The following CLDN16 variants were observed in gnomAD, a reference collection of about 807,000 sequenced individuals.
The protein encoded by CLDN16 is claudin-16.
CLDN16 carries 13 observed loss-of-function variants against 24.6 expected under a neutral mutation model. That is an observed-to-expected ratio of 0.53 (90% CI 0.34 to 0.84). The LOEUF is 0.84. Among genes scored for constraint, CLDN16 ranks in the 40% least tolerant of loss-of-function variants. The pLI, the probability that CLDN16 is intolerant of heterozygous loss-of-function variation, is 0.01. For synonymous variants in CLDN16, 116 were observed against 106.7 expected, an observed-to-expected ratio of 1.09 and a Z score of -0.54; for missense variants, 298 against 292.7, an observed-to-expected ratio of 1.02 and a Z score of -0.13.
At chr3:190,381,778 A>T (rs956276540) in intron 3 of CLDN16, among the ~76,000 whole-genome samples, 1 of 152,090 alleles carries the variant, frequency 6.6e-6, no homozygotes, top group Admixed American at 6.6e-5. Context: ...GAGTGCAGTG[A>T]TAAGGACTCA....
At chr3:190,295,945 G>T in the CLDN16 span, among the ~76,000 whole-genome samples, 1 of 151,942 alleles carries the variant, frequency 6.6e-6, no homozygotes, top group African/African-American at 2.4e-5. Flanking sequence ...TCATAGTTAT[G>T]TTCATTTGAT....
chr3:190,386,045 TA>T (rs1718490151), upstream of CLDN16, among the ~76,000 whole-genome samples: 1 of 152,148 alleles, frequency 6.6e-6, no homozygotes, highest in Admixed American at 6.6e-5. Context: ...TGTTAGCAGG[TA>T]AAGTACACTG....
At chr3:190,361,625 T>C (rs1270584053) in intron 1 of CLDN16, among the ~76,000 whole-genome samples, 1 of 151,942 alleles carries the variant, frequency 6.6e-6, no homozygotes, top group Non-Finnish European at 1.5e-5. Context: ...ATAACATTGA[T>C]ACAAGAGGTA....
intron 4 of CLDN16, among the ~76,000 whole-genome samples, chr3:190,408,916 TACATATGTATACACATATAC>T (rs1428943128): frequency 6.7e-6 from 1 of 149,168 alleles, no homozygotes; most frequent in African/African-American, 2.4e-5. Context: ...GTATACATAG[TACATATGTATACACATATAC>T]ACATATGTAT....
upstream of CLDN16, chr3:190,387,945 C>T (rs1718546495): frequency 1.6e-6 from 1 of 641,440 alleles, no homozygotes; most frequent in Non-Finnish European, 2.8e-6. Flanking sequence ...CAGGTTCCAG[C>T]ATGGGGTGGG....
upstream of CLDN16, chr3:190,321,932 G>T (rs978119963): frequency 7.1e-7 from 1 of 1,405,900 alleles, no homozygotes; most frequent in Non-Finnish European, 1.0e-6. Flanking sequence ...TAAGGGAGCT[G>T]CAGGGGGACT....
At chr3:190,300,165 G>T in the CLDN16 span, among the ~76,000 whole-genome samples, 2 of 152,304 alleles carry the variant, frequency 1.3e-5, no homozygotes, top group South Asian at 4.1e-4. Flanking sequence ...GAGGGGTCGT[G>T]GGGGCGGGCA....
At chr3:190,355,449 T>C (rs187258161) in intron 1 of CLDN16, among the ~76,000 whole-genome samples, 2 of 152,050 alleles carry the variant, frequency 1.3e-5, no homozygotes, top group East Asian at 1.9e-4. Flanking sequence ...TTCTATCGAC[T>C]CTATTTTTCT....
At chr3:190,387,843 A>G (rs541269001), upstream of CLDN16, 4 of 481,236 alleles carry the variant, frequency 8.3e-6, no homozygotes, top group East Asian at 1.2e-4. Flanking sequence ...AGTCCTAACA[A>G]TAAAATAACA....
At chr3:190,332,774 AT>A (rs5855323) in intron 1 of CLDN16, among the ~76,000 whole-genome samples, 9,675 of 147,772 alleles carry the variant, frequency 0.065, 380 homozygotes, top group South Asian at 0.13. Flanking sequence ...GCAGAGCATG[AT>A]TTTTTTTTTT....
At chr3:190,403,440 A>G (rs1012592546) in intron 2 of CLDN16, among the ~76,000 whole-genome samples, 5 of 152,214 alleles carry the variant, frequency 3.3e-5, no homozygotes, top group African/African-American at 4.8e-5. Flanking sequence ...GATTCTCTCA[A>G]TCCTTCTCCA....
intron 3 of CLDN16, among the ~76,000 whole-genome samples, chr3:190,407,445 G>A (rs1329497238): frequency 1.3e-5 from 2 of 152,120 alleles, no homozygotes; most frequent in African/African-American, 2.4e-5. Context: ...ACAACATATA[G>A]ATTACTGATT....
At chr3:190,364,106 AT>A (rs1187771689) in intron 1 of CLDN16, among the ~76,000 whole-genome samples, 1 of 151,912 alleles carries the variant, frequency 6.6e-6, no homozygotes, top group Non-Finnish European at 1.5e-5. Context: ...AAACCAATAC[AT>A]TTGTGAACAA....
chr3:190,404,930 C>T lies in CLDN16; in HGVS notation c.382+4C>T. The T allele has an allele frequency of 6.2e-7, 1 of 1,613,824 alleles. No individual in the cohort carries two copies. The highest frequency in any genetic ancestry group is 8.5e-7 in the Non-Finnish European group (1 of 1,179,820). Reference sequence around the variant, plus strand: ...GGAGCCACGTTACTAATAGCAGGTACCGGTCTGGCTGGACTAGCAACAGGG... The same window carrying T: ...GGAGCCACGTTACTAATAGCAGGTATCGGTCTGGCTGGACTAGCAACAGGG... On this transcript the variant is annotated splice_donor_region_variant and intron_variant, in intron 3 of 4. Transcript: ENST00000264734.
At chr3:190,320,176 A>G (rs1291834314), upstream of CLDN16, among the ~76,000 whole-genome samples, 1 of 152,252 alleles carries the variant, frequency 6.6e-6, no homozygotes, top group Non-Finnish European at 1.5e-5. Flanking sequence ...ATCATGTGTA[A>G]GGATGATCCA....
rs1719297974 is a variant in CLDN16, at chr3:190,412,018, A to G, written c.*1982A>G. 6.6e-6 allele frequency: 1 copy of G among 152,132 alleles called. No individual in the cohort carries two copies. The highest frequency in any genetic ancestry group is 2.1e-4 in the South Asian group (1 of 4,826). 9.4% of individuals were successfully genotyped at this position (152,132 alleles called of 1,614,324 possible). ...ATAATTAGTTAATTAGATTTGAAAA[A>G]TGTAATTTTTCCATTTTAAATATTT... On this transcript the variant is annotated 3_prime_UTR_variant, in exon 5 of 5. Coordinates refer to ENST00000264734, the MANE Select transcript of CLDN16 (RefSeq NM_006580.4).
the CLDN16 span, among the ~76,000 whole-genome samples, chr3:190,305,530 C>A: frequency 6.6e-6 from 1 of 152,092 alleles, no homozygotes; most frequent in Admixed American, 6.6e-5. Context: ...TGATGAGGAA[C>A]TCAATTTGAG....
At chr3:190,396,549 G>A (rs1718821676) in intron 1 of CLDN16, among the ~76,000 whole-genome samples, 1 of 152,118 alleles carries the variant, frequency 6.6e-6, no homozygotes, top group Non-Finnish European at 1.5e-5. Flanking sequence ...GAGACTGTAT[G>A]CTCCTTGAAG....
chr3:190,343,277 G>A (rs116226016), intron 1 of CLDN16, among the ~76,000 whole-genome samples: 5,954 of 152,100 alleles, frequency 0.039, 388 homozygotes, highest in African/African-American at 0.13. Context: ...ACGCCTGTTA[G>A]GATAGCTGGT....
Sources: gnomAD v4.1 joint callset for allele counts (sites outside exome capture counted in the v4.1 genomes callset) on GRCh38, gnomAD v4.1.1 for gene constraint, MANE v1.5 for transcripts, NCBI Gene and HGNC (gene_info 2026-07-23, HGNC 2026-07-21) for gene names.